NSD1: variants seen among roughly 807,000 people sequenced by gnomAD.
NSD1 encodes the protein nuclear receptor binding SET domain protein 1.
Under a neutral mutation model 242.7 loss-of-function variants are expected in NSD1, and 26 were observed. The observed-to-expected ratio is 0.11, with a 90% CI of 0.08 to 0.15. The LOEUF is 0.15. Ranked by LOEUF, NSD1 falls within the 10% of genes least tolerant of loss-of-function variation. NSD1 has a pLI of 1.00. For synonymous variants in NSD1, 1,106 were observed against 1,178.1 expected, an observed-to-expected ratio of 0.94 and a Z score of 1.25; for missense variants, 2,495 against 3,272.8, an observed-to-expected ratio of 0.76 and a Z score of 5.80.
chr5:177,136,058 A>G (rs1562099752), intron 2 of NSD1, 28 bp downstream of exon 2: 1 of 1,560,788 alleles, frequency 6.4e-7, no homozygotes, highest in South Asian at 1.1e-5. Flanking sequence ...CAACTTAAAT[A>G]TATACATATA....
At chr5:177,157,713 A>G (rs1758252687) in intron 2 of NSD1, among the ~76,000 whole-genome samples, 1 of 152,202 alleles carries the variant, frequency 6.6e-6, no homozygotes, top group Non-Finnish European at 1.5e-5. Context: ...GTCTAATTCC[A>G]GAACCTTTCA....
At chr5:177,290,479 C>T in intron 21 of NSD1, among the ~76,000 whole-genome samples, 1 of 150,436 alleles carries the variant, frequency 6.6e-6, no homozygotes, top group East Asian at 2.0e-4. Flanking sequence ...ATGATCTCGG[C>T]TCACTGTAAC....
At chr5:177,185,312 A>G (rs978970269) in intron 2 of NSD1, among the ~76,000 whole-genome samples, 2 of 151,980 alleles carry the variant, frequency 1.3e-5, no homozygotes, top group Non-Finnish European at 2.9e-5. Flanking sequence ...TACAAAAAAT[A>G]TAAATGCCAG....
chr5:177,173,466 CTTTTTT>C (rs768982432), intron 2 of NSD1, among the ~76,000 whole-genome samples: 2 of 62,172 alleles, frequency 3.2e-5, no homozygotes, highest in Non-Finnish European at 5.5e-5. Flanking sequence ...TACTATCTGG[CTTTTTT>C]TTTTTTTTTT....
chr5:177,233,224 G>T (rs185569703), intron 5 of NSD1, among the ~76,000 whole-genome samples: 1 of 152,112 alleles, frequency 6.6e-6, no homozygotes, highest in African/African-American at 2.4e-5. Flanking sequence ...ACTATGCTTG[G>T]CTATTTTTTT....
chr5:177,226,856 C>A (rs974975936), intron 5 of NSD1, among the ~76,000 whole-genome samples: 1 of 151,928 alleles, frequency 6.6e-6, no homozygotes, highest in Non-Finnish European at 1.5e-5. Flanking sequence ...TAAGGGGCTG[C>A]ATGTATAGTT....
upstream of NSD1, among the ~76,000 whole-genome samples, chr5:177,132,620 C>G (rs1328529375): frequency 1.3e-5 from 2 of 151,972 alleles, no homozygotes; most frequent in Non-Finnish European, 2.9e-5. The surrounding 1 kb of genome is among the most constrained non-coding windows in gnomAD (Gnocchi z 7.5). Context: ...GGCTGCAGGC[C>G]GAGGTGCGGA....
Position 177,209,651 on chromosome 5 carries a change from T to C in NSD1, c.1252T>C (p.Leu418=), listed in dbSNP as rs201329783. 5.6e-6 allele frequency: 9 copies of C among 1,613,940 alleles called. No individual in the cohort carries two copies. The highest frequency in any genetic ancestry group is 5.0e-5 in the Admixed American group (3 of 60,010). Residue 418 remains leucine (L), a synonymous_variant, in exon 5 of 23, where the codon TTG becomes CTG. Coordinates refer to ENST00000439151, the MANE Select transcript of NSD1 (RefSeq NM_022455.5). The stretch of plus-strand genomic sequence containing the variant: ...TAAATTTAAGGTTCCTCAGAAAATT[T>C]TGAGTAAATGGGAAGCCAGTGTTGG... ...GYRHKVPQKI[L]SKWEASVGLA...
chr5:177,293,776 C>A, intron 22 of NSD1, 56 bp from the exon 23 acceptor site: 1 of 1,590,422 alleles, frequency 6.3e-7, no homozygotes, highest in Non-Finnish European at 8.6e-7. Flanking sequence ...TAGCCTTGGC[C>A]CATGTGATAT....
intron 17 of NSD1, among the ~76,000 whole-genome samples, chr5:177,279,961 A>ATATTTTATTTTATTTTATT (rs1758728301): frequency 7.1e-6 from 1 of 140,006 alleles, no homozygotes; most frequent in Non-Finnish European, 1.5e-5. Context: ...TTTAAAGTTC[A>ATATTTTATTTTATTTTATT]TATTTTATTT....
chr5:177,190,756 G>A (rs371707052), intron 2 of NSD1, among the ~76,000 whole-genome samples: 2,758 of 150,678 alleles, frequency 0.018, 32 homozygotes, highest in Non-Finnish European at 0.028. Context: ...TGCAAGCTCC[G>A]CCTCCTGGGT....
intron 4 of NSD1, 124 bp from the exon 5 acceptor site, chr5:177,209,512 G>A (rs1157633504): frequency 8.3e-6 from 6 of 723,176 alleles, no homozygotes; most frequent in East Asian, 2.7e-5. Flanking sequence ...CTGGGCGACA[G>A]AGCAAGACTC....
At chr5:177,202,976 C>T (rs1324847689) in intron 3 of NSD1, among the ~76,000 whole-genome samples, 2 of 151,992 alleles carry the variant, frequency 1.3e-5, no homozygotes. Context: ...GAGAAGTTAC[C>T]GTTGACAGTT....
rs1764443868 is a variant in NSD1 at position 177,224,038 on chromosome 5, A to G, written c.3797-11783A>G. ...TAAGTGTTAGTTACAGTATTTTTGT[A>G]GTAATTAATTACAGTATTTTTGTAG... On this transcript the variant is annotated intron_variant, in intron 5 of 22. Transcript: ENST00000439151. Among the ~76,000 whole-genome samples the G allele has an allele frequency of 2.0e-5, 3 of 150,306 alleles. No individual in the cohort carries two copies. The Admixed American group carries it at 2.0e-4, about 10-fold the overall frequency.
At chr5:177,201,799 T>A (rs1398338622) in intron 3 of NSD1, among the ~76,000 whole-genome samples, 2 of 151,656 alleles carry the variant, frequency 1.3e-5, no homozygotes, top group Non-Finnish European at 1.5e-5. Context: ...CCTCAGGTGA[T>A]CCGCCTGCCT....
intron 14 of NSD1, among the ~76,000 whole-genome samples, chr5:177,262,365 GC>G (rs1192766613): frequency 5.1e-5 from 2 of 39,148 alleles, no homozygotes; most frequent in Non-Finnish European, 1.3e-4. Flanking sequence ...TATTCAGGTG[GC>G]CAAGGTGGGG....
Position 177,291,967 on chromosome 5 carries a change from C to T in NSD1, c.6272C>T (p.Ala2091Val), listed in dbSNP as rs2127275984. 6.2e-7 allele frequency: 1 copy of T among 1,613,580 alleles called. No homozygotes were observed. Among genetic ancestry groups the T allele is most frequent in the Non-Finnish European group, 8.5e-7 (1 of 1,179,776 alleles). Residue 2091 changes from alanine to valine, a missense_variant, in exon 22 of 23, where the codon GCC (alanine) becomes GTC (valine). Physicochemically the swap from Ala to Val is moderately conservative, Grantham distance 64. Transcript: ENST00000439151. ...LGVRPKNQPI[A>V]TEEKSKKFKK... ...TCTGACCTGTAGAATCAACCCATTG[C>T]CACGGAAGAAAAGTCAAAGAAATTC...
chr5:177,244,505 G>A (rs1185839241), intron 9 of NSD1, among the ~76,000 whole-genome samples: 2 of 152,180 alleles, frequency 1.3e-5, no homozygotes, highest in South Asian at 2.1e-4. Flanking sequence ...GTTACAGAGA[G>A]TTAGGTTATT....
At chr5:177,198,252 C>T (rs970831396) in intron 3 of NSD1, among the ~76,000 whole-genome samples, 7 of 152,128 alleles carry the variant, frequency 4.6e-5, no homozygotes, top group African/African-American at 1.4e-4. Flanking sequence ...TCTTGAACTC[C>T]TGGCCTTAAG....
Sources: allele counts gnomAD v4.1 joint callset (sites outside exome capture counted in the v4.1 genomes callset), GRCh38; gene constraint gnomAD v4.1.1; non-coding constraint Gnocchi (gnomAD v3.1); transcripts MANE v1.5; gene names NCBI Gene and HGNC (gene_info 2026-07-23, HGNC 2026-07-21).